CDH4: variants seen among roughly 807,000 people sequenced by gnomAD.
CDH4 encodes the protein cadherin-4.
CDH4 carries 33 observed loss-of-function variants against 86.0 expected under a neutral mutation model. The observed-to-expected ratio is 0.38, with a 90% confidence interval of 0.29 to 0.51. The LOEUF is 0.51. CDH4 is among the 20% of genes least tolerant of loss of function. CDH4 has a pLI of 0.86. For missense variants in CDH4, 1,114 were observed against 1,307.4 expected, an observed-to-expected ratio of 0.85 and a Z score of 2.28; for synonymous variants, 555 against 549.4, an observed-to-expected ratio of 1.01 and a Z score of -0.14.
chr20:61,820,598 G>A (rs1483483427), intron 4 of CDH4, among the ~76,000 whole-genome samples: 2 of 152,254 alleles, frequency 1.3e-5, no homozygotes, highest in African/African-American at 4.8e-5. Context: ...GAGGGGGCAG[G>A]TGGAAGTTGT....
At chr20:61,933,408 G>C (rs919743619) in intron 14 of CDH4, among the ~76,000 whole-genome samples, 1 of 152,204 alleles carries the variant, frequency 6.6e-6, no homozygotes, top group East Asian at 1.9e-4. Flanking sequence ...AGGGGGCTCC[G>C]GGTTGGCCAA....
At chr20:61,752,329 C>CAAAAAAAAAAAAAAAAAAAAAAAAA in intron 3 of CDH4, among the ~76,000 whole-genome samples, 1 of 83,148 alleles carries the variant, frequency 1.2e-5, no homozygotes, top group Non-Finnish European at 2.5e-5. Flanking sequence ...AAAAGCCTGT[C>CAAAAAAAAAAAAAAAAAAAAAAAAA]AAAAAAAAAA....
At chr20:61,642,618 T>TA (rs1168196444) in intron 2 of CDH4, among the ~76,000 whole-genome samples, 1 of 152,190 alleles carries the variant, frequency 6.6e-6, no homozygotes, top group Non-Finnish European at 1.5e-5. Flanking sequence ...AAGGCAGAAA[T>TA]AAAAGTCCTC....
chr20:61,283,549 T>C (rs1600832854), intron 2 of CDH4, among the ~76,000 whole-genome samples: 1 of 138,852 alleles, frequency 7.2e-6, no homozygotes, highest in East Asian at 2.2e-4. Context: ...ACGCGTGTGC[T>C]GTGGTGTGTG....
chr20:61,427,362 G>A (rs537380093), intron 2 of CDH4, among the ~76,000 whole-genome samples: 1 of 152,312 alleles, frequency 6.6e-6, no homozygotes, highest in Non-Finnish European at 1.5e-5. Context: ...CACAGGCACT[G>A]CCAAAGGCCA....
At chr20:61,355,528 C>T (rs1230144835) in intron 2 of CDH4, among the ~76,000 whole-genome samples, 2 of 152,224 alleles carry the variant, frequency 1.3e-5, no homozygotes, top group African/African-American at 2.4e-5. Context: ...AAAGTCCATC[C>T]CAAGCTCCCG....
At chr20:61,590,967 A>G (rs990114936) in intron 2 of CDH4, among the ~76,000 whole-genome samples, 4 of 151,594 alleles carry the variant, frequency 2.6e-5, no homozygotes, top group Non-Finnish European at 5.9e-5. Flanking sequence ...ATGCTGAGCC[A>G]TGAACAGCAT....
intron 2 of CDH4, among the ~76,000 whole-genome samples, chr20:61,574,684 G>C (rs1254287432): frequency 6.6e-6 from 1 of 152,156 alleles, no homozygotes; most frequent in Admixed American, 6.5e-5. Context: ...TCCAGGACAG[G>C]CTGCCTGGAT....
intron 2 of CDH4, chr20:61,369,915 C>T (rs1179793739): frequency 6.6e-6 from 1 of 152,386 alleles, no homozygotes; most frequent in Non-Finnish European, 1.5e-5. Flanking sequence ...TTCCAGAGTC[C>T]TGGGGACACA....
chr20:61,805,527 T>C (rs1485181806), intron 4 of CDH4, among the ~76,000 whole-genome samples: 1 of 151,966 alleles, frequency 6.6e-6, no homozygotes, highest in East Asian at 1.9e-4. Flanking sequence ...CCTCAGACAC[T>C]CGCCCTCCTG....
At chr20:61,378,122 T>C (rs1273623566) in intron 2 of CDH4, among the ~76,000 whole-genome samples, 2 of 152,090 alleles carry the variant, frequency 1.3e-5, no homozygotes, top group African/African-American at 4.8e-5. Context: ...GGCATGGTGG[T>C]GCACGCCTGT....
chr20:61,788,553 C>T (rs968854043), intron 4 of CDH4, among the ~76,000 whole-genome samples: 8 of 152,208 alleles, frequency 5.3e-5, no homozygotes, highest in African/African-American at 1.9e-4. Context: ...CTGGAGCTGA[C>T]AGAGGAGACA....
At chr20:61,662,853 TC>T (rs2087275755) in intron 2 of CDH4, among the ~76,000 whole-genome samples, 1 of 152,118 alleles carries the variant, frequency 6.6e-6, no homozygotes, top group Non-Finnish European at 1.5e-5. Context: ...TATCTCCATG[TC>T]CGCCTACAGG....
intron 2 of CDH4, among the ~76,000 whole-genome samples, chr20:61,298,920 C>T (rs985708468): frequency 1.3e-5 from 2 of 151,766 alleles, no homozygotes; most frequent in Non-Finnish European, 2.9e-5. Flanking sequence ...TCTAAAAGAA[C>T]AGAGTTCATT....
At chr20:61,306,688 G>T (rs1397932784) in intron 2 of CDH4, among the ~76,000 whole-genome samples, 1 of 152,192 alleles carries the variant, frequency 6.6e-6, no homozygotes, top group East Asian at 1.9e-4. Context: ...CACACAAGTT[G>T]TGAGTGGCCA....
chr20:61,937,467 G>A lies in CDH4; in HGVS notation c.*524G>A, dbSNP rs962092996. 2 of 152,092 alleles carry A rather than the reference G, an allele frequency of 1.3e-5. No homozygotes were observed. The highest frequency in any genetic ancestry group is 2.1e-4 in the South Asian group (1 of 4,820). 9.4% of individuals were successfully genotyped at this position (152,092 alleles called of 1,614,324 possible). ...TTTTATTAAGAAAAAGAAAGTGGGT[G>A]ACTTGTTTGAAAACAGAGTGGGGTT... is the stretch of plus-strand genomic sequence containing the variant. On this transcript the variant is annotated 3_prime_UTR_variant, in exon 16 of 16. Coordinates refer to ENST00000614565, the MANE Select transcript of CDH4 (RefSeq NM_001794.5).
chr20:61,261,527 A>G (rs941596077), intron 2 of CDH4, among the ~76,000 whole-genome samples: 4 of 152,190 alleles, frequency 2.6e-5, no homozygotes, highest in African/African-American at 9.7e-5. Context: ...CCTTCCAGGG[A>G]GGTAAAATTG....
At chr20:61,733,895 G>A (rs1043028379) in intron 2 of CDH4, among the ~76,000 whole-genome samples, 2 of 152,214 alleles carry the variant, frequency 1.3e-5, no homozygotes, top group Non-Finnish European at 2.9e-5. Flanking sequence ...TGTAACTGCA[G>A]CACCATTCTC....
intron 2 of CDH4, among the ~76,000 whole-genome samples, chr20:61,742,072 T>A (rs1192268154): frequency 6.6e-6 from 1 of 152,132 alleles, no homozygotes; most frequent in African/African-American, 2.4e-5. Flanking sequence ...GATTTTAATT[T>A]GTTTACCATT....
Sources: allele counts gnomAD v4.1 joint callset (sites outside exome capture counted in the v4.1 genomes callset), GRCh38; gene constraint gnomAD v4.1.1; transcripts MANE v1.5; gene names NCBI Gene and HGNC (gene_info 2026-07-23, HGNC 2026-07-21).